The following EXOC4 variants were observed in gnomAD, a reference collection of about 807,000 sequenced individuals.
EXOC4 encodes SEC8-like 1.
A neutral mutation model predicts 107.2 loss-of-function variants in EXOC4; 71 were observed. The observed-to-expected ratio is 0.66, with a 90% CI of 0.55 to 0.81. The LOEUF (loss-of-function observed/expected upper bound fraction) is 0.81. Ranked by LOEUF, EXOC4 falls within the 30% of genes least tolerant of loss-of-function variation. The pLI is 0.00. For missense variants in EXOC4, 1,108 were observed against 1,189.6 expected (o/e 0.93, Z 1.01); for synonymous variants, 456 against 441.2 (o/e 1.03, Z -0.42).
chr7:133,700,066 A>G (rs575278937), intron 10 of EXOC4, among the ~76,000 whole-genome samples: 1 of 152,330 alleles, frequency 6.6e-6, no homozygotes, highest in South Asian at 2.1e-4. Flanking sequence ...TTGCCCAGCT[A>G]CAATCCACAT....
chr7:133,784,761 A>G (rs1308829944), intron 10 of EXOC4, among the ~76,000 whole-genome samples: 6 of 152,118 alleles, frequency 3.9e-5, no homozygotes, highest in Non-Finnish European at 7.4e-5. Context: ...TTGAGCATGG[A>G]ACATAGTGGG....
chr7:133,964,241 C>T (rs970554641), intron 14 of EXOC4, among the ~76,000 whole-genome samples: 2 of 152,054 alleles, frequency 1.3e-5, no homozygotes, highest in Admixed American at 6.5e-5. Flanking sequence ...TTGTCCAGTT[C>T]GTTATGTCAG....
intron 7 of EXOC4, among the ~76,000 whole-genome samples, chr7:133,420,224 G>T (rs1335877725): frequency 6.9e-6 from 1 of 144,758 alleles, no homozygotes. Context: ...TGTGGTGTTT[G>T]GTTTTTTGTT....
intron 11 of EXOC4, among the ~76,000 whole-genome samples, chr7:133,829,216 A>G (rs1797760664): frequency 6.6e-6 from 1 of 152,204 alleles, no homozygotes; most frequent in East Asian, 1.9e-4. Flanking sequence ...AATGAGAAAT[A>G]AGGTTAACGG....
At position 134,055,465 on chromosome 7, in the gene EXOC4, C is replaced by A. The variant is rs35977684; in HGVS notation, c.2688-8826C>A. Among the ~76,000 whole-genome samples, 3 of 152,154 alleles carry A rather than the reference C, an allele frequency of 2.0e-5. No individual in the cohort carries two copies. The East Asian group carries it at 5.8e-4, about 29-fold the overall frequency. Reference sequence around the variant, plus strand: ...AGAATCAACCATTACCTTGGCCTCACTGGCATCATGCTCATCACGCTTTCG... The same window carrying A: ...AGAATCAACCATTACCTTGGCCTCAATGGCATCATGCTCATCACGCTTTCG... On this transcript the variant is annotated intron_variant, in intron 17 of 17. Transcript: ENST00000253861.
Position 134,026,575 on chromosome 7 carries a change from G to A in EXOC4, c.2687+18740G>A, listed in dbSNP as rs193148747. Among the ~76,000 whole-genome samples the A allele has an allele frequency of 7.6e-3, 1,147 of 151,418 alleles. 6 individuals carry two copies. The highest frequency in any genetic ancestry group is 0.01 in the Non-Finnish European group (683 of 67,892). ...TAATCCCTAAGCCCAATAGCAGTTTGCTGAATGAATAAAATGTAGCTTATA... is the reference window on the plus strand; with the variant it reads ...TAATCCCTAAGCCCAATAGCAGTTTACTGAATGAATAAAATGTAGCTTATA... On this transcript the variant is annotated intron_variant, in intron 17 of 17. Coordinates refer to ENST00000253861, the MANE Select transcript of EXOC4 (RefSeq NM_021807.4).
chr7:133,329,893 G>A (rs773145693), intron 5 of EXOC4, among the ~76,000 whole-genome samples: 1 of 152,196 alleles, frequency 6.6e-6, no homozygotes, highest in Non-Finnish European at 1.5e-5. Flanking sequence ...TAGTCAGGAG[G>A]CATGGGGGTC....
At chr7:133,801,754 C>T (rs1053854219) in intron 10 of EXOC4, among the ~76,000 whole-genome samples, 1 of 152,238 alleles carries the variant, frequency 6.6e-6, no homozygotes, top group African/African-American at 2.4e-5. Flanking sequence ...AGAAAAATCT[C>T]AGACCTTTCA....
the EXOC4 span, among the ~76,000 whole-genome samples, chr7:134,073,214 AAAAAAAAAAAAAAAAAAAC>A: frequency 2.3e-5 from 1 of 44,224 alleles, no homozygotes; most frequent in Non-Finnish European, 3.7e-5. Context: ...TCAAAAAAAA[AAAAAAAAAAAAAAAAAAAC>A]AACAAAGAAA....
intron 9 of EXOC4, among the ~76,000 whole-genome samples, chr7:133,592,596 C>G (rs1801575494): frequency 6.6e-6 from 1 of 152,030 alleles, no homozygotes; most frequent in African/African-American, 2.4e-5. Context: ...GCGTGTGCCA[C>G]CATACCCGGC....
At chr7:133,554,634 C>G (rs1295827196) in intron 9 of EXOC4, among the ~76,000 whole-genome samples, 2 of 152,158 alleles carry the variant, frequency 1.3e-5, no homozygotes, top group Non-Finnish European at 2.9e-5. Context: ...TGAAACCTGT[C>G]CTTTCCTAGG....
chr7:133,971,886 T>C (rs376279456), intron 14 of EXOC4, among the ~76,000 whole-genome samples: 1 of 152,246 alleles, frequency 6.6e-6, no homozygotes, highest in South Asian at 2.1e-4. Context: ...TCACAGCTCA[T>C]CTTAGATGAC....
At position 133,799,580 on chromosome 7, in the gene EXOC4, A is replaced by C. The variant is rs760536796; in HGVS notation, c.1515-17745A>C. ...AGGACAGAAATAATTTTGGATTCTC[A>C]TGAAATCATCAAATGGCCATTATGC... On this transcript the variant is annotated intron_variant, in intron 10 of 17. Coordinates refer to ENST00000253861, the MANE Select transcript of EXOC4 (RefSeq NM_021807.4). Among the ~76,000 whole-genome samples, 7 of 152,338 alleles carry C rather than the reference A, an allele frequency of 4.6e-5. No homozygotes were observed. In the East Asian group the frequency reaches 1.4e-3, roughly 29 times the overall value.
At chr7:134,038,475 T>C (rs527818213) in intron 17 of EXOC4, among the ~76,000 whole-genome samples, 1 of 152,288 alleles carries the variant, frequency 6.6e-6, no homozygotes, top group Admixed American at 6.5e-5. Context: ...TCTCGTTTCT[T>C]TTATATATCC....
chr7:133,335,198 T>A (rs554609857), intron 5 of EXOC4, among the ~76,000 whole-genome samples: 37 of 152,232 alleles, frequency 2.4e-4, no homozygotes, highest in Admixed American at 1.5e-3. Flanking sequence ...AGCTTAAAAA[T>A]TTTTTTTAAT....
rs1796778542 is a variant in EXOC4 at position 133,794,809 on chromosome 7, T to C, written c.1515-22516T>C. Among the ~76,000 whole-genome samples the C allele has an allele frequency of 2.0e-5, 3 of 152,064 alleles. No homozygotes were observed. The South Asian group carries it at 6.2e-4, about 32-fold the overall frequency. ...TAGTTGTCTTTTTTTTTTTTAATTA[T>C]ACTTTAAGTTTTAGGGTACATGTGC... is the stretch of plus-strand genomic sequence containing the variant. On this transcript the variant is annotated intron_variant, in intron 10 of 17. Transcript: ENST00000253861.
chr7:133,437,827 C>G (rs1798010643), intron 7 of EXOC4, among the ~76,000 whole-genome samples: 1 of 152,114 alleles, frequency 6.6e-6, no homozygotes, highest in Non-Finnish European at 1.5e-5. Context: ...TCTAATTATA[C>G]AAATATGTCT....
At chr7:133,298,373 T>G (rs1054126926) in intron 3 of EXOC4, among the ~76,000 whole-genome samples, 1 of 152,148 alleles carries the variant, frequency 6.6e-6, no homozygotes, top group African/African-American at 2.4e-5. Context: ...CTTTGCCAAC[T>G]CTTAAAAAGA....
At chr7:133,433,840 C>G (rs1484660918) in intron 7 of EXOC4, among the ~76,000 whole-genome samples, 2 of 152,162 alleles carry the variant, frequency 1.3e-5, no homozygotes, top group African/African-American at 4.8e-5. Context: ...AAGAAGAGTG[C>G]TGGTTGACCC....
Sources: gnomAD v4.1 joint callset for allele counts (sites outside exome capture counted in the v4.1 genomes callset) on GRCh38, gnomAD v4.1.1 for gene constraint, MANE v1.5 for transcripts, NCBI Gene and HGNC (gene_info 2026-07-23, HGNC 2026-07-21) for gene names.